The following HS6ST3 variants were observed in gnomAD, a reference collection of about 807,000 sequenced individuals.
The protein encoded by HS6ST3 is heparan-sulfate 6-O-sulfotransferase 3.
HS6ST3 carries 12 observed loss-of-function variants against 36.7 expected under a neutral mutation model. The observed-to-expected ratio is 0.33, with a 90% CI of 0.21 to 0.53. The LOEUF is 0.53. Ranked by LOEUF, HS6ST3 falls within the 20% of genes least tolerant of loss-of-function variation. HS6ST3 has a pLI of 0.95. For synonymous variants in HS6ST3, 240 were observed against 257.5 expected (o/e 0.93, Z 0.65); for missense variants, 584 against 640.9 (o/e 0.91, Z 0.96).
chr13:96,261,725 A>G (rs2054667418), intron 1 of HS6ST3, among the ~76,000 whole-genome samples: 1 of 152,226 alleles, frequency 6.6e-6, no homozygotes. Context: ...GCTATTCTCC[A>G]AAGTGTGGCA....
At chr13:96,685,775 G>T (rs368470078) in intron 1 of HS6ST3, among the ~76,000 whole-genome samples, 1 of 151,928 alleles carries the variant, frequency 6.6e-6, no homozygotes, top group African/African-American at 2.4e-5. Flanking sequence ...TCTCATTCCC[G>T]TTTTCCTTCA....
intron 1 of HS6ST3, among the ~76,000 whole-genome samples, chr13:96,408,918 C>T (rs567143383): frequency 1.3e-4 from 20 of 150,536 alleles, no homozygotes; most frequent in African/African-American, 3.7e-4. Flanking sequence ...AGTGAGACTC[C>T]GTCTCAAAAA....
At chr13:96,504,531 T>C (rs1040430429) in intron 1 of HS6ST3, among the ~76,000 whole-genome samples, 1 of 151,752 alleles carries the variant, frequency 6.6e-6, no homozygotes, top group African/African-American at 2.4e-5. Context: ...CAGTCGGAAA[T>C]AGGCAGGCAC....
intron 1 of HS6ST3, among the ~76,000 whole-genome samples, chr13:96,515,350 T>G (rs1212547426): frequency 6.6e-6 from 1 of 152,234 alleles, no homozygotes; most frequent in African/African-American, 2.4e-5. Flanking sequence ...GGACCATGAT[T>G]TGAAGCACTC....
chr13:96,519,253 A>G (rs144039838), intron 1 of HS6ST3, among the ~76,000 whole-genome samples: 8 of 151,952 alleles, frequency 5.3e-5, no homozygotes, highest in African/African-American at 1.9e-4. Flanking sequence ...GTTCTGATTG[A>G]CTCTAACATT....
At chr13:96,787,563 C>T (rs1227385020) in intron 1 of HS6ST3, among the ~76,000 whole-genome samples, 1 of 151,978 alleles carries the variant, frequency 6.6e-6, no homozygotes, top group African/African-American at 2.4e-5. Flanking sequence ...TTATTTTCAT[C>T]TATATATCTT....
intron 1 of HS6ST3, among the ~76,000 whole-genome samples, chr13:96,502,414 C>G (rs1252116566): frequency 6.9e-6 from 1 of 145,544 alleles, no homozygotes; most frequent in African/African-American, 2.5e-5. Flanking sequence ...GAACAGATCA[C>G]AAGTTCTGAT....
At chr13:96,441,688 G>T (rs2055672185) in intron 1 of HS6ST3, among the ~76,000 whole-genome samples, 1 of 152,188 alleles carries the variant, frequency 6.6e-6, no homozygotes, top group African/African-American at 2.4e-5. Flanking sequence ...GCATGATGCT[G>T]TAAAAGTGAA....
At chr13:96,761,151 G>A (rs1016033205) in intron 1 of HS6ST3, among the ~76,000 whole-genome samples, 3 of 149,604 alleles carry the variant, frequency 2.0e-5, no homozygotes, top group South Asian at 4.2e-4. Flanking sequence ...TCCTCACTGT[G>A]TTGCCCAGGC....
At chr13:96,388,065 T>C (rs1000772218) in intron 1 of HS6ST3, among the ~76,000 whole-genome samples, 3 of 152,218 alleles carry the variant, frequency 2.0e-5, no homozygotes, top group African/African-American at 7.2e-5. Flanking sequence ...TGGAATTCCA[T>C]AGATTCATCT....
chr13:96,738,796 T>C (rs1876354976), intron 1 of HS6ST3, among the ~76,000 whole-genome samples: 1 of 152,234 alleles, frequency 6.6e-6, no homozygotes. Context: ...TAGCTTTTTA[T>C]TTCTCTCATG....
intron 1 of HS6ST3, among the ~76,000 whole-genome samples, chr13:96,147,967 G>A (rs190902177): frequency 6.6e-6 from 1 of 152,286 alleles, no homozygotes; most frequent in Non-Finnish European, 1.5e-5. Flanking sequence ...TTTTCAAATT[G>A]CAAACATTTA....
chr13:96,710,953 G>A (rs1875547349), intron 1 of HS6ST3, among the ~76,000 whole-genome samples: 1 of 152,224 alleles, frequency 6.6e-6, no homozygotes, highest in African/African-American at 2.4e-5. Flanking sequence ...TAATCATGTT[G>A]ATATTAGAAT....
At chr13:96,121,666 C>G (rs1056242917) in intron 1 of HS6ST3, among the ~76,000 whole-genome samples, 1 of 152,150 alleles carries the variant, frequency 6.6e-6, no homozygotes, top group East Asian at 1.9e-4. Flanking sequence ...CATTACAGAT[C>G]GTGAAATCTT....
intron 1 of HS6ST3, among the ~76,000 whole-genome samples, chr13:96,332,823 T>C (rs574365200): frequency 6.6e-6 from 1 of 152,382 alleles, no homozygotes; most frequent in East Asian, 1.9e-4. Context: ...TGGATATTTG[T>C]ATCTCCCCCA....
chr13:96,238,326 ACT>A (rs1484995848), intron 1 of HS6ST3, among the ~76,000 whole-genome samples: 1 of 151,668 alleles, frequency 6.6e-6, no homozygotes, highest in African/African-American at 2.4e-5. Flanking sequence ...ACTTGAACTA[ACT>A]CTCCCTGCAC....
intron 1 of HS6ST3, among the ~76,000 whole-genome samples, chr13:96,111,803 A>C (rs1250165562): frequency 1.3e-5 from 2 of 152,230 alleles, no homozygotes; most frequent in Non-Finnish European, 2.9e-5. Context: ...GTTAAGGATG[A>C]CTGTGACCTA....
At chr13:96,145,636 G>C (rs1017767481) in intron 1 of HS6ST3, among the ~76,000 whole-genome samples, 13 of 152,040 alleles carry the variant, frequency 8.6e-5, no homozygotes, top group African/African-American at 3.1e-4. Flanking sequence ...TTCTTTTGCT[G>C]TGCAGAAGCT....
chr13:96,215,808 T>G (rs1338181523), intron 1 of HS6ST3, among the ~76,000 whole-genome samples: 1 of 152,232 alleles, frequency 6.6e-6, no homozygotes, highest in Non-Finnish European at 1.5e-5. Flanking sequence ...TGGCTTTGTA[T>G]AGTTGGACAA....
Sources: gnomAD v4.1 joint callset for allele counts (sites outside exome capture counted in the v4.1 genomes callset) on GRCh38, gnomAD v4.1.1 for gene constraint, MANE v1.5 for transcripts, NCBI Gene and HGNC (gene_info 2026-07-23, HGNC 2026-07-21) for gene names.